AATF: variants seen among roughly 807,000 people sequenced by gnomAD.
The protein encoded by AATF is protein AATF.
A neutral mutation model predicts 63.7 loss-of-function variants in AATF; 48 were observed. The observed-to-expected ratio is 0.75, with a 90% CI of 0.60 to 0.96. The LOEUF (loss-of-function observed/expected upper bound fraction) is 0.96, where lower values mean the gene tolerates loss of function less well. Ranked by LOEUF, AATF falls within the 40% of genes least tolerant of loss-of-function variation. The pLI, the probability that AATF is intolerant of heterozygous loss-of-function variation, is 0.00. For synonymous variants in AATF, 258 were observed against 247.7 expected (o/e 1.04, Z -0.39); for missense variants, 639 against 685.7 (o/e 0.93, Z 0.76).
At chr17:37,038,460 G>A (rs1325178701) in intron 11 of AATF, among the ~76,000 whole-genome samples, 1 of 152,168 alleles carries the variant, frequency 6.6e-6, no homozygotes, top group African/African-American at 2.4e-5. Flanking sequence ...TTGGCTGTCA[G>A]GATGGAAAGG....
rs180747544 is a variant in AATF, at chr17:36,996,413, G to A, written c.1398+5556G>A. Among the ~76,000 whole-genome samples the A allele has an allele frequency of 5.3e-5, 8 of 152,204 alleles. No homozygotes were observed. In the East Asian group the frequency reaches 5.8e-4, roughly 11 times the overall value. On this transcript the variant is annotated intron_variant, in intron 8 of 11. Coordinates refer to ENST00000619387, the MANE Select transcript of AATF (RefSeq NM_012138.4). ...CGCATCACTACACTCCAGCCTGGGC[G>A]ACAGAGAATAAATAAACAAATGAAA...
At chr17:36,973,038 A>G (rs1489211610) in intron 4 of AATF, among the ~76,000 whole-genome samples, 1 of 152,194 alleles carries the variant, frequency 6.6e-6, no homozygotes, top group African/African-American at 2.4e-5. Context: ...GGATCTGTGC[A>G]TTATTTACAT....
chr17:36,994,619 A>G (rs547898747), intron 8 of AATF, among the ~76,000 whole-genome samples: 1 of 152,380 alleles, frequency 6.6e-6, no homozygotes, highest in African/African-American at 2.4e-5. Flanking sequence ...GTTTCACAAA[A>G]CATGAAGGTT....
At chr17:36,978,249 C>T (rs374735568) in intron 4 of AATF, among the ~76,000 whole-genome samples, 61 of 152,244 alleles carry the variant, frequency 4.0e-4, no homozygotes, top group Middle Eastern at 3.4e-3. Flanking sequence ...CCCAATTCCC[C>T]ACATCATTCT....
Position 36,950,207 on chromosome 17 carries a change from C to T in AATF, c.92-7C>T. 6.2e-7 allele frequency: 1 copy of T among 1,611,276 alleles called. No homozygotes were observed. Among genetic ancestry groups the T allele is most frequent in the Non-Finnish European group, 8.5e-7 (1 of 1,177,622 alleles). ...GATTCTGTTTACTTTTCCCTCTCCC[C>T]CGACAGCCACTGCTGCCAGGGTGAT... On this transcript the variant is annotated splice_polypyrimidine_tract_variant and splice_region_variant and intron_variant, in intron 1 of 11. Coordinates refer to ENST00000619387, the MANE Select transcript of AATF (RefSeq NM_012138.4).
chr17:37,035,411 T>C (rs139807011), intron 11 of AATF, among the ~76,000 whole-genome samples: 25 of 151,730 alleles, frequency 1.6e-4, no homozygotes, highest in African/African-American at 6.0e-4. Flanking sequence ...CCTTATTCAG[T>C]TGGAAAATAT....
Position 37,031,681 on chromosome 17 carries a change from G to A in AATF, c.1615G>A (p.Ala539Thr), listed in dbSNP as rs2071553090. Residue 539 changes from alanine to threonine, a missense_variant, in exon 11 of 12, where the codon GCC becomes ACC. Coordinates refer to ENST00000619387, the MANE Select transcript of AATF (RefSeq NM_012138.4). ...PIDHTTMNDDARTELYRSLFG... is the reference protein window; with the variant it reads ...PIDHTTMNDDTRTELYRSLFG... Reference sequence around the variant, plus strand: ...TGACCATACTACAATGAATGATGATGCCAGGTGAGTAATAGATTAATTATG... The same window carrying A: ...TGACCATACTACAATGAATGATGATACCAGGTGAGTAATAGATTAATTATG... The A allele has an allele frequency of 6.2e-7, 1 of 1,613,394 alleles. No homozygotes were observed. Among genetic ancestry groups the A allele is most frequent in the African/African-American group, 1.3e-5 (1 of 75,026 alleles).
rs557686136 is a variant in AATF at position 37,048,631 on chromosome 17, A to G, written c.1620-7970A>G. On this transcript the variant is annotated intron_variant, in intron 11 of 11. Transcript: ENST00000619387. ...GGTGATCCGCCCACCTTGGCCTCCC[A>G]AAGTTCTGGGATTACAGGTGTGAGC... 1.5e-3 allele frequency among the ~76,000 whole-genome samples: 229 copies of G among 152,158 alleles called. 1 individual carries two copies. The highest frequency in any genetic ancestry group is 5.4e-3 in the African/African-American group (225 of 41,516).
In AATF at chr17:37,022,757, G is replaced by A. The variant is rs547918472; in HGVS notation, c.1547+1743G>A. 5.3e-5 allele frequency among the ~76,000 whole-genome samples: 8 copies of A among 152,250 alleles called. No homozygotes were observed. In the South Asian group the frequency reaches 1.7e-3, roughly 32 times the overall value. On this transcript the variant is annotated intron_variant, in intron 10 of 11. Transcript: ENST00000619387. The stretch of plus-strand genomic sequence containing the variant: ...GGTTGCTGTGACGATTAAATGAATA[G>A]GGTGTGTATGGCTCTTAGAATAGTG...
At chr17:37,044,025 C>T (rs1388392176) in intron 11 of AATF, among the ~76,000 whole-genome samples, 1 of 152,094 alleles carries the variant, frequency 6.6e-6, no homozygotes, top group Non-Finnish European at 1.5e-5. Flanking sequence ...TGTGCAAACC[C>T]CAAAAAAAGT....
At chr17:36,981,678 TTTCTTC>T (rs756781425) in intron 4 of AATF, among the ~76,000 whole-genome samples, 4 of 150,428 alleles carry the variant, frequency 2.7e-5, no homozygotes, top group South Asian at 2.1e-4. Flanking sequence ...TTCTTTCTTC[TTTCTTC>T]TTCTTCTTCT....
At chr17:36,980,575 A>T (rs1347518502) in intron 4 of AATF, among the ~76,000 whole-genome samples, 1 of 152,228 alleles carries the variant, frequency 6.6e-6, no homozygotes, top group Non-Finnish European at 1.5e-5. Context: ...TATTATTCAC[A>T]GGGTTGAACA....
intron 10 of AATF, among the ~76,000 whole-genome samples, chr17:37,021,816 AAAAAAT>A (rs1163536402): frequency 4.9e-5 from 4 of 80,912 alleles, no homozygotes; most frequent in Non-Finnish European, 8.6e-5. Flanking sequence ...AAAAAAAAAA[AAAAAAT>A]AATAATAATA....
chr17:36,949,798 G>A (rs1395972493), intron 1 of AATF, among the ~76,000 whole-genome samples: 1 of 152,180 alleles, frequency 6.6e-6, no homozygotes, highest in Non-Finnish European at 1.5e-5. Flanking sequence ...TAATAAGGAG[G>A]GATAAATGCG....
chr17:37,001,218 C>T (rs375353488), intron 8 of AATF, among the ~76,000 whole-genome samples: 2 of 151,778 alleles, frequency 1.3e-5, no homozygotes, highest in East Asian at 3.9e-4. Flanking sequence ...ATTCAGGAGA[C>T]TGAGGTGGGA....
At chr17:37,005,700 C>T (rs1402698594) in intron 8 of AATF, among the ~76,000 whole-genome samples, 1 of 152,120 alleles carries the variant, frequency 6.6e-6, no homozygotes, top group Non-Finnish European at 1.5e-5. Context: ...CTTCTTCCTG[C>T]CTTTATTATA....
In AATF at chr17:36,953,251, G is replaced by C. The variant is rs762585990; in HGVS notation, c.649G>C (p.Val217Leu). The part of the protein sequence containing the change: ...GVVMTFSSVK[V>L]SEEVEKGRAV... ...GGTGATGACCTTCTCTAGTGTCAAA[G>C]TTTCTGAGGAAGTGGAGAAAGGAAG... Residue 217 changes from valine to leucine, a missense_variant, in exon 3 of 12, where the codon GTT (valine) becomes CTT (leucine). Val to Leu is a conservative substitution (Grantham distance 32). Transcript: ENST00000619387. The C allele has an allele frequency of 6.2e-7, 1 of 1,614,170 alleles. No homozygotes were observed. Among genetic ancestry groups the C allele is most frequent in the South Asian group, 1.1e-5 (1 of 91,084 alleles).
intron 4 of AATF, among the ~76,000 whole-genome samples, chr17:36,965,543 A>G (rs1367741351): frequency 6.6e-6 from 1 of 152,170 alleles, no homozygotes; most frequent in African/African-American, 2.4e-5. Context: ...TTTAGGATGT[A>G]GATATCTTTG....
intron 4 of AATF, among the ~76,000 whole-genome samples, chr17:36,975,585 A>G (rs1188634557): frequency 1.3e-5 from 2 of 152,234 alleles, no homozygotes; most frequent in Admixed American, 1.3e-4. Flanking sequence ...GACACTTAAG[A>G]TGTTTGCAGT....
Sources: gnomAD v4.1 joint callset for allele counts (sites outside exome capture counted in the v4.1 genomes callset) on GRCh38, gnomAD v4.1.1 for gene constraint, MANE v1.5 for transcripts, NCBI Gene and HGNC (gene_info 2026-07-23, HGNC 2026-07-21) for gene names.